Variants in DYNC2LI1 observed in about 807,000 individuals in gnomAD.
DYNC2LI1 encodes cytoplasmic dynein 2 light intermediate chain 1.
A neutral mutation model predicts 51.9 loss-of-function variants in DYNC2LI1; 45 were observed. That is an observed-to-expected ratio of 0.87 (90% CI 0.68 to 1.11). DYNC2LI1 has a LOEUF of 1.11. Ranked by LOEUF, DYNC2LI1 falls within the 50% of genes most tolerant of loss-of-function variation. The pLI is 0.00. For synonymous variants in DYNC2LI1, 130 were observed against 137.8 expected, an observed-to-expected ratio of 0.94 and a Z score of 0.40; for missense variants, 490 against 417.4, an observed-to-expected ratio of 1.17 and a Z score of -1.51.
At chr2:43,792,719 A>G in intron 5 of DYNC2LI1, 1 of 1,548,276 alleles carries the variant, frequency 6.5e-7, no homozygotes, top group South Asian at 1.2e-5. Flanking sequence ...TATGAATTTG[A>G]CCACTCCAGT....
At chr2:43,822,769 GC>G in the DYNC2LI1 span, 1 of 1,613,998 alleles carries the variant, frequency 6.2e-7, no homozygotes, top group African/African-American at 1.3e-5. Flanking sequence ...TGGGAGCCCG[GC>G]CCTGGGTGAA....
chr2:43,814,509 A>T, downstream of DYNC2LI1: 1 of 1,608,820 alleles, frequency 6.2e-7, no homozygotes, highest in Non-Finnish European at 8.5e-7. Flanking sequence ...GAACTCATTG[A>T]CTACAAGAAT....
Position 43,809,759 on chromosome 2 carries a change from G to C in DYNC2LI1, c.1048G>C (p.Asp350His). The change falls in exon 13 of 13, where the codon GAT becomes CAT. Residue 350 changes from aspartate (D) to histidine (H), a missense_variant. Coordinates refer to ENST00000260605, the MANE Select transcript of DYNC2LI1 (RefSeq NM_016008.4). ...SSKSWKQIEL[D>H]S ...CAAGTCTTGGAAACAAATCGAGCTT[G>C]ATTCTTGAACCTATTTCAATTATTG... 2 of 1,611,444 alleles carry C rather than the reference G, an allele frequency of 1.2e-6. No individual in the cohort carries two copies. Among genetic ancestry groups the C allele is most frequent in the African/African-American group, 2.7e-5 (2 of 74,930 alleles).
the DYNC2LI1 span, among the ~76,000 whole-genome samples, chr2:43,826,204 T>C: frequency 6.6e-6 from 1 of 151,380 alleles, no homozygotes; most frequent in Non-Finnish European, 1.5e-5. Flanking sequence ...CTCACTTTAT[T>C]GCTCAGGATG....
the DYNC2LI1 span, chr2:43,825,061 A>T: frequency 1.2e-6 from 2 of 1,608,108 alleles, no homozygotes; most frequent in Non-Finnish European, 1.7e-6. Context: ...TCACAAGGGT[A>T]GCGATGCACT....
chr2:43,821,879 C>A, the DYNC2LI1 span, among the ~76,000 whole-genome samples: 5 of 151,856 alleles, frequency 3.3e-5, no homozygotes, highest in Non-Finnish European at 7.4e-5. Context: ...TCTCTCTCCC[C>A]CTCTCTTCCC....
chr2:43,791,301 G>C (rs1572706442), intron 5 of DYNC2LI1, among the ~76,000 whole-genome samples: 1 of 152,172 alleles, frequency 6.6e-6, no homozygotes, highest in Non-Finnish European at 1.5e-5. Flanking sequence ...GAAAATACAG[G>C]AGGTGGCTCT....
the DYNC2LI1 span, chr2:43,823,804 G>A: frequency 7.5e-7 from 1 of 1,325,758 alleles, no homozygotes; most frequent in South Asian, 1.4e-5. Flanking sequence ...AGAGGGCTGG[G>A]TTTAGCTCAG....
chr2:43,802,380 T>TG (rs1252383740), intron 10 of DYNC2LI1, among the ~76,000 whole-genome samples: 1 of 151,890 alleles, frequency 6.6e-6, no homozygotes, highest in East Asian at 1.9e-4. Flanking sequence ...TAGGGTTTTT[T>TG]TTTTTTTTTT....
chr2:43,794,685 A>T (rs758741774), intron 6 of DYNC2LI1, 42 bp downstream of exon 6: 1 of 1,613,866 alleles, frequency 6.2e-7, no homozygotes, highest in South Asian at 1.1e-5. Flanking sequence ...CCTTAGTCCC[A>T]TTTATAGTTA....
intron 4 of DYNC2LI1, among the ~76,000 whole-genome samples, chr2:43,788,033 T>C (rs1673604111): frequency 1.3e-5 from 2 of 152,168 alleles, no homozygotes; most frequent in African/African-American, 4.8e-5. Context: ...AAAAACATAA[T>C]ATATAGAGAT....
Position 43,804,706 on chromosome 2 carries a change from GA to G in DYNC2LI1, c.873del (p.Val292CysfsTer14). ...LHAHSPMELW[K>X]KVYEKLFPPK... ...ATGCCCACTCACCTATGGAGTTGTG[GA>G]AAAAAGTGTATGAAAAGCTCTTTCC... is the stretch of plus-strand genomic sequence containing the variant. On this transcript the variant is annotated frameshift_variant, in exon 11 of 13. Coordinates refer to ENST00000260605, the MANE Select transcript of DYNC2LI1 (RefSeq NM_016008.4). LOFTEE classifies it high-confidence loss of function. 1 of 1,604,754 alleles carries G rather than the reference GA, an allele frequency of 6.2e-7. No individual in the cohort carries two copies. Among genetic ancestry groups the G allele is most frequent in the Non-Finnish European group, 8.5e-7 (1 of 1,176,674 alleles).
intron 8 of DYNC2LI1, among the ~76,000 whole-genome samples, chr2:43,800,085 A>G (rs79114596): frequency 0.022 from 3,277 of 152,166 alleles, 123 homozygotes; most frequent in African/African-American, 0.073. Context: ...CCACTTCCAT[A>G]CCTCTTAGTC....
At chr2:43,803,078 A>G (rs1461600472) in intron 10 of DYNC2LI1, among the ~76,000 whole-genome samples, 1 of 152,206 alleles carries the variant, frequency 6.6e-6, no homozygotes, top group Non-Finnish European at 1.5e-5. Flanking sequence ...TGGGAGTGTA[A>G]AATGGTACAG....
Position 43,794,483 on chromosome 2 carries a change from A to T in DYNC2LI1, c.347A>T (p.Asp116Val). 6.2e-7 allele frequency: 1 copy of T among 1,613,160 alleles called. No individual in the cohort carries two copies. Among genetic ancestry groups the T allele is most frequent in the Non-Finnish European group, 8.5e-7 (1 of 1,179,658 alleles). ...ACGTTTTCTCTTGTTCTCGTTCTGG[A>T]TCTTTCAAAACCTAATGATCTCTGG... ...LRTFSLVLVL[D>V]LSKPNDLWPT... The change falls in exon 6 of 13, where the codon GAT becomes GTT. Residue 116 changes from aspartate (D) to valine (V), a missense_variant. By Grantham distance (152) the Asp-to-Val change is radical. Transcript: ENST00000260605.
chr2:43,792,387 G>A (rs1373758268), intron 5 of DYNC2LI1, among the ~76,000 whole-genome samples: 2 of 152,112 alleles, frequency 1.3e-5, no homozygotes, highest in Admixed American at 6.6e-5. Context: ...CAGAATGTTT[G>A]CTGTGTTGAT....
At chr2:43,795,128 G>C (rs752507529) in intron 6 of DYNC2LI1, 11 of 994,778 alleles carry the variant, frequency 1.1e-5, no homozygotes, top group South Asian at 9.1e-5. Flanking sequence ...AAGTTGCTAT[G>C]ATGGTAACAC....
intron 5 of DYNC2LI1, chr2:43,792,935 C>A: frequency 1.2e-6 from 1 of 858,268 alleles, no homozygotes; most frequent in Non-Finnish European, 1.6e-6. Flanking sequence ...CATCTTTTGA[C>A]TATTGTGAGT....
At chr2:43,807,805 C>T (rs1453390096) in intron 12 of DYNC2LI1, among the ~76,000 whole-genome samples, 3 of 125,586 alleles carry the variant, frequency 2.4e-5, no homozygotes, top group Admixed American at 1.8e-4. Context: ...TTAAGGTCTT[C>T]TTGGCCAACC....
Sources: gnomAD v4.1 joint callset for allele counts (sites outside exome capture counted in the v4.1 genomes callset) on GRCh38, gnomAD v4.1.1 for gene constraint, MANE v1.5 for transcripts, NCBI Gene and HGNC (gene_info 2026-07-23, HGNC 2026-07-21) for gene names.